Variants in GRIA4 observed in about 807,000 individuals in gnomAD.
GRIA4 encodes glutamate receptor 4.
GRIA4 carries 34 observed loss-of-function variants against 104.0 expected under a neutral mutation model. The observed-to-expected ratio is 0.33, with a 90% CI of 0.25 to 0.44. The LOEUF (loss-of-function observed/expected upper bound fraction) is 0.44, where lower values mean the gene tolerates loss of function less well. GRIA4 is among the 20% of genes least tolerant of loss of function. The probability of loss-of-function intolerance (pLI) is 1.00; values close to 1 mark genes in which losing one functional copy is unlikely to be tolerated. For missense variants in GRIA4, 750 were observed against 1,096.5 expected, an observed-to-expected ratio of 0.68 and a Z score of 4.46; for synonymous variants, 386 against 381.9, an observed-to-expected ratio of 1.01 and a Z score of -0.13.
intron 14 of GRIA4, among the ~76,000 whole-genome samples, chr11:105,941,515 T>G (rs551585274): frequency 6.6e-6 from 1 of 152,278 alleles, no homozygotes; most frequent in African/African-American, 2.4e-5. Context: ...AAAGTCGTAT[T>G]ATATCCTGTT....
At chr11:105,888,271 C>CCTTTTT (rs1555038827) in intron 6 of GRIA4, among the ~76,000 whole-genome samples, 4 of 54,574 alleles carry the variant, frequency 7.3e-5, no homozygotes, top group South Asian at 1.1e-3. Flanking sequence ...ATGTTTTCTC[C>CCTTTTT]TTTTTTTTTT....
chr11:105,639,947 T>A (rs1951313100), intron 3 of GRIA4, among the ~76,000 whole-genome samples: 1 of 151,998 alleles, frequency 6.6e-6, no homozygotes. Context: ...AATACATGTT[T>A]CCTATTTTTT....
At chr11:105,634,172 C>T (rs952158646) in intron 3 of GRIA4, among the ~76,000 whole-genome samples, 1 of 151,790 alleles carries the variant, frequency 6.6e-6, no homozygotes, top group Non-Finnish European at 1.5e-5. Context: ...CATGGTGAAA[C>T]CCCGACTCTA....
intron 3 of GRIA4, among the ~76,000 whole-genome samples, chr11:105,678,940 G>A (rs1952626503): frequency 6.6e-6 from 1 of 152,064 alleles, no homozygotes; most frequent in South Asian, 2.1e-4. Context: ...AACTGAATCA[G>A]AATGCCCTAA....
intron 3 of GRIA4, among the ~76,000 whole-genome samples, chr11:105,674,400 T>A (rs1359377740): frequency 6.6e-6 from 1 of 151,696 alleles, no homozygotes; most frequent in Non-Finnish European, 1.5e-5. Context: ...GTAACTTAGC[T>A]ACTAGATGAT....
chr11:105,814,914 T>C (rs1943317142), intron 4 of GRIA4, among the ~76,000 whole-genome samples: 1 of 152,196 alleles, frequency 6.6e-6, no homozygotes. Context: ...GGCCCAGAGT[T>C]GGACAAACTA....
At chr11:105,615,431 T>C (rs1950576236) in intron 3 of GRIA4, among the ~76,000 whole-genome samples, 2 of 151,816 alleles carry the variant, frequency 1.3e-5, no homozygotes, top group African/African-American at 2.4e-5. Context: ...ATTCTATTGT[T>C]GGAAAGTCAC....
chr11:105,840,195 C>T (rs1040176831), intron 4 of GRIA4, among the ~76,000 whole-genome samples: 8 of 152,102 alleles, frequency 5.3e-5, no homozygotes, highest in African/African-American at 1.9e-4. Context: ...GGTTAAAATC[C>T]ATGAGGACTT....
chr11:105,975,562 C>A (rs973214533), intron 16 of GRIA4, among the ~76,000 whole-genome samples: 14 of 151,914 alleles, frequency 9.2e-5, no homozygotes, highest in Non-Finnish European at 1.8e-4. Context: ...ATTGCTCTTC[C>A]TAAAATCAGG....
chr11:105,663,549 A>G (rs1354576164), intron 3 of GRIA4, among the ~76,000 whole-genome samples: 1 of 151,994 alleles, frequency 6.6e-6, no homozygotes, highest in African/African-American at 2.4e-5. Context: ...TGACAGGACT[A>G]GCTTTAATAA....
intron 3 of GRIA4, among the ~76,000 whole-genome samples, chr11:105,714,471 T>C (rs567278783): frequency 5.6e-4 from 85 of 152,240 alleles, no homozygotes; most frequent in African/African-American, 1.9e-3. Context: ...ATCCATTCTG[T>C]CTGAAAGTAA....
intron 3 of GRIA4, among the ~76,000 whole-genome samples, chr11:105,655,709 C>A (rs1403001545): frequency 6.6e-6 from 1 of 152,122 alleles, no homozygotes; most frequent in Admixed American, 6.6e-5. Flanking sequence ...ATATGTGCCA[C>A]ATTTTCTTTA....
chr11:105,732,605 G>A (rs1043673166), intron 3 of GRIA4, among the ~76,000 whole-genome samples: 1 of 152,088 alleles, frequency 6.6e-6, no homozygotes, highest in Non-Finnish European at 1.5e-5. Context: ...CACTTTGTGG[G>A]GTCACTCCAG....
chr11:105,773,455 TATA>T (rs1348611383), intron 4 of GRIA4, among the ~76,000 whole-genome samples: 2 of 152,164 alleles, frequency 1.3e-5, no homozygotes, highest in Non-Finnish European at 2.9e-5. Flanking sequence ...CATGAACTAA[TATA>T]ATATCAAATC....
At chr11:105,682,335 C>A (rs1362200857) in intron 3 of GRIA4, among the ~76,000 whole-genome samples, 1 of 152,110 alleles carries the variant, frequency 6.6e-6, no homozygotes, top group Non-Finnish European at 1.5e-5. Context: ...ATCCTTCCAC[C>A]TCGGCCTCCC....
chr11:105,920,469 G>C (rs1947528478), intron 11 of GRIA4, among the ~76,000 whole-genome samples: 1 of 152,018 alleles, frequency 6.6e-6, no homozygotes, highest in Admixed American at 6.6e-5. Flanking sequence ...TTACCAGTTA[G>C]TTATGAACAG....
chr11:105,910,977 G>A (rs1415715994), intron 10 of GRIA4, among the ~76,000 whole-genome samples: 1 of 151,992 alleles, frequency 6.6e-6, no homozygotes, highest in Non-Finnish European at 1.5e-5. Flanking sequence ...TAATTTTCAG[G>A]TAGTTCAATC....
At chr11:105,794,001 A>G (rs556995255) in intron 4 of GRIA4, among the ~76,000 whole-genome samples, 1 of 152,208 alleles carries the variant, frequency 6.6e-6, no homozygotes, top group South Asian at 2.1e-4. Flanking sequence ...TTTAATCAGG[A>G]GCAGTAGGCA....
At chr11:105,779,291 G>T (rs1941602583) in intron 4 of GRIA4, among the ~76,000 whole-genome samples, 1 of 151,938 alleles carries the variant, frequency 6.6e-6, no homozygotes, top group Non-Finnish European at 1.5e-5. Flanking sequence ...AATAAAAGAG[G>T]ATACAAACAA....
Sources: allele counts gnomAD v4.1 joint callset (sites outside exome capture counted in the v4.1 genomes callset), GRCh38; gene constraint gnomAD v4.1.1; transcripts MANE v1.5; gene names NCBI Gene and HGNC (gene_info 2026-07-23, HGNC 2026-07-21).